The following NBAS variants were observed in gnomAD, a reference collection of about 807,000 sequenced individuals.
NBAS encodes NBAS subunit of NRZ tethering complex.
In NBAS, 219 loss-of-function variants were observed where a neutral mutation model predicts 302.5. The ratio of observed to expected loss-of-function variants is 0.72; its 90% CI spans 0.65 to 0.81. The LOEUF (loss-of-function observed/expected upper bound fraction) is 0.81, where lower values mean the gene tolerates loss of function less well. Ranked by LOEUF, NBAS falls within the 30% of genes least tolerant of loss-of-function variation. The pLI, the probability that NBAS is intolerant of heterozygous loss-of-function variation, is 0.00. For synonymous variants in NBAS, 1,118 were observed against 1,021.6 expected (o/e 1.09, Z -1.80); for missense variants, 2,932 against 2,841.6 (o/e 1.03, Z -0.72).
In NBAS at chr2:15,328,178, TC is replaced by T; in HGVS notation, c.4461+20del. The T allele has an allele frequency of 1.9e-6, 3 of 1,600,972 alleles. No individual in the cohort carries two copies. The highest frequency in any genetic ancestry group is 2.6e-6 in the Non-Finnish European group (3 of 1,168,650). On this transcript the variant is annotated intron_variant, in intron 37 of 51. Coordinates refer to ENST00000281513, the MANE Select transcript of NBAS (RefSeq NM_015909.4). ...AACAGCATGACAGTTAAATCTATCT[TC>T]CTAGACACGCTGTCCTTACCTCAGC...
intron 38 of NBAS, among the ~76,000 whole-genome samples, chr2:15,311,187 A>T (rs1206483431): frequency 6.6e-6 from 1 of 152,252 alleles, no homozygotes; most frequent in Non-Finnish European, 1.5e-5. Flanking sequence ...GCTGCAAAAC[A>T]TCTGAATACT....
chr2:15,446,783 T>C (rs1292399102), intron 21 of NBAS, among the ~76,000 whole-genome samples: 1 of 152,054 alleles, frequency 6.6e-6, no homozygotes, highest in Non-Finnish European at 1.5e-5. Context: ...AAAAACATTA[T>C]TTTAAGTTCT....
chr2:15,046,065 C>T, the NBAS span, among the ~76,000 whole-genome samples: 3 of 152,144 alleles, frequency 2.0e-5, no homozygotes, highest in Non-Finnish European at 4.4e-5. Context: ...TTCATATTTT[C>T]TCTCCCATAG....
the NBAS span, among the ~76,000 whole-genome samples, chr2:15,098,974 T>C: frequency 0.036 from 5,401 of 150,632 alleles, 170 homozygotes; most frequent in Non-Finnish European, 0.043. Context: ...CATATATATA[T>C]ACACACACAC....
chr2:14,864,926 A>G, the NBAS span, among the ~76,000 whole-genome samples: 1 of 152,238 alleles, frequency 6.6e-6, no homozygotes, highest in Non-Finnish European at 1.5e-5. Flanking sequence ...AATTGTTGTC[A>G]TGCCATCAGT....
At chr2:15,284,612 A>G (rs1260832912) in intron 42 of NBAS, among the ~76,000 whole-genome samples, 1 of 152,264 alleles carries the variant, frequency 6.6e-6, no homozygotes, top group Admixed American at 6.5e-5. Context: ...TTAAAGGAAT[A>G]GTAAAACAAA....
chr2:15,342,199 G>A (rs1672886676), intron 35 of NBAS, among the ~76,000 whole-genome samples: 1 of 152,082 alleles, frequency 6.6e-6, no homozygotes, highest in Non-Finnish European at 1.5e-5. Context: ...TACGTAGAAT[G>A]CACAGTGCAG....
the NBAS span, among the ~76,000 whole-genome samples, chr2:15,071,306 T>C: frequency 6.6e-6 from 1 of 152,176 alleles, no homozygotes; most frequent in East Asian, 1.9e-4. Flanking sequence ...GATACTATTA[T>C]ATGGCCTGCA....
In NBAS at chr2:15,327,878, A is replaced by G. The variant is rs759029955; in HGVS notation, c.4462-8T>C. ...GTCATAGGTCCCTTCAGACTACACAAAAGAAGCAGTTTCACTATCTAGTAG... is the reference window on the plus strand; with the variant it reads ...GTCATAGGTCCCTTCAGACTACACAGAAGAAGCAGTTTCACTATCTAGTAG... On this transcript the variant is annotated splice_polypyrimidine_tract_variant and splice_region_variant and intron_variant, in intron 37 of 51. Transcript: ENST00000281513. 16 of 1,613,416 alleles carry G rather than the reference A, an allele frequency of 9.9e-6. No homozygotes were observed. The highest frequency in any genetic ancestry group is 1.3e-5 in the African/African-American group (1 of 74,884).
chr2:15,002,084 C>T, the NBAS span, among the ~76,000 whole-genome samples: 1 of 152,028 alleles, frequency 6.6e-6, no homozygotes, highest in Non-Finnish European at 1.5e-5. Flanking sequence ...TCTCCACGTC[C>T]CCACTAGATT....
the NBAS span, among the ~76,000 whole-genome samples, chr2:15,146,761 G>A: frequency 3.9e-5 from 6 of 152,258 alleles, no homozygotes; most frequent in East Asian, 1.2e-3. Flanking sequence ...CCGTGGGCCA[G>A]GCTCAGCAGG....
chr2:14,978,618 C>T, the NBAS span, among the ~76,000 whole-genome samples: 1 of 152,176 alleles, frequency 6.6e-6, no homozygotes, highest in African/African-American at 2.4e-5. Flanking sequence ...ATGACATAAT[C>T]AGGTCCACAG....
chr2:14,956,307 T>A, the NBAS span, among the ~76,000 whole-genome samples: 20,830 of 152,136 alleles, frequency 0.14, 1,770 homozygotes, highest in African/African-American at 0.24. Context: ...CTTTCCCATA[T>A]CTTTCTGTCT....
chr2:15,158,941 C>A, the NBAS span, among the ~76,000 whole-genome samples: 1 of 152,176 alleles, frequency 6.6e-6, no homozygotes, highest in African/African-American at 2.4e-5. Context: ...TGAGAGTAAA[C>A]AATTGCCCCT....
At chr2:15,012,664 T>C in the NBAS span, among the ~76,000 whole-genome samples, 3 of 152,216 alleles carry the variant, frequency 2.0e-5, no homozygotes, top group Admixed American at 6.5e-5. Context: ...AAGTGTCAAG[T>C]TACATATAAG....
At chr2:15,342,272 C>T (rs1431536235) in intron 35 of NBAS, among the ~76,000 whole-genome samples, 2 of 151,914 alleles carry the variant, frequency 1.3e-5, no homozygotes, top group East Asian at 3.9e-4. Flanking sequence ...GGAAACAATA[C>T]ATAAATCACA....
chr2:15,430,007 G>GA (rs979206149), intron 21 of NBAS, among the ~76,000 whole-genome samples: 1 of 152,146 alleles, frequency 6.6e-6, no homozygotes, highest in African/African-American at 2.4e-5. Context: ...GGAATGAGGA[G>GA]AAAATAAATA....
chr2:15,174,725 A>G (rs895505785), intron 51 of NBAS, among the ~76,000 whole-genome samples: 2 of 152,214 alleles, frequency 1.3e-5, no homozygotes, highest in Admixed American at 6.5e-5. Context: ...ATGGTGGGGT[A>G]TAGACTTTGA....
At chr2:14,864,647 C>T in the NBAS span, among the ~76,000 whole-genome samples, 6 of 152,212 alleles carry the variant, frequency 3.9e-5, no homozygotes, top group South Asian at 2.1e-4. Flanking sequence ...CACATGGACT[C>T]GAGGCTTTGG....
Sources: gnomAD v4.1 joint callset for allele counts (sites outside exome capture counted in the v4.1 genomes callset) on GRCh38, gnomAD v4.1.1 for gene constraint, MANE v1.5 for transcripts, NCBI Gene and HGNC (gene_info 2026-07-23, HGNC 2026-07-21) for gene names.